Variants in ZC3H14 observed in about 807,000 individuals in gnomAD.
ZC3H14 encodes zinc finger CCCH domain-containing protein 14.
ZC3H14 carries 31 observed loss-of-function variants against 92.4 expected under a neutral mutation model. The observed-to-expected ratio is 0.34, with a 90% CI of 0.25 to 0.45. The LOEUF is 0.45. ZC3H14 is among the 20% of genes least tolerant of loss of function. ZC3H14 has a pLI of 1.00. For synonymous variants in ZC3H14, 321 were observed against 300.9 expected (o/e 1.07, Z -0.69); for missense variants, 781 against 897.3 (o/e 0.87, Z 1.66).
Position 88,572,628 on chromosome 14 carries a change from C to G in ZC3H14, c.482C>G (p.Pro161Arg), listed in dbSNP as rs1245569692. The change falls in exon 6 of 17, where the codon CCT (proline) becomes CGT (arginine). Residue 161 changes from proline to arginine, a missense_variant. Around this residue, in one of 3 missense-constraint regions of ZC3H14, gnomAD observed 454 missense variants for 438.5 expected, o/e 1.04. Coordinates refer to ENST00000251038, the MANE Select transcript of ZC3H14 (RefSeq NM_024824.5). The stretch of plus-strand genomic sequence containing the variant: ...ACCCGACTAATGTCAACAGTGAAAC[C>G]TTTGAGGGAGCCAGCACCCTCTGAA... ...AATRLMSTVK[P>R]LREPAPSEDV... is the part of the protein sequence containing the mutation. 4 of 1,614,000 alleles carry G rather than the reference C, an allele frequency of 2.5e-6. No individual in the cohort carries two copies. The highest frequency in any genetic ancestry group is 3.4e-6 in the Non-Finnish European group (4 of 1,180,046).
chr14:88,615,732 C>T lies in ZC3H14; in HGVS notation c.*3981C>T. 1 of 1,305,884 alleles carries T rather than the reference C, an allele frequency of 7.7e-7. No individual in the cohort carries two copies. Among genetic ancestry groups the T allele is most frequent in the Non-Finnish European group, 1.1e-6 (1 of 930,410 alleles). 80.9% of individuals were successfully genotyped at this position (1,305,884 alleles called of 1,614,324 possible). A position where few individuals can be genotyped will look rare whatever the true frequency, so the allele number is the denominator to read the frequency against. ...CCCTGTTACAGTCTTGGGTTAGCAC[C>T]ACTTGACCATGCAGGGTTGGGTTTT... is the stretch of plus-strand genomic sequence containing the variant. On this transcript the variant is annotated 3_prime_UTR_variant, in exon 17 of 17. Transcript: ENST00000251038.
intron 3 of ZC3H14, among the ~76,000 whole-genome samples, chr14:88,568,472 T>G (rs1253303773): frequency 4.6e-5 from 7 of 152,158 alleles, no homozygotes; most frequent in Admixed American, 4.6e-4. Flanking sequence ...TCCAGAGACT[T>G]ATATAAAATC....
chr14:88,580,733 A>G (rs944187248), intron 9 of ZC3H14, among the ~76,000 whole-genome samples: 1 of 152,218 alleles, frequency 6.6e-6, no homozygotes, highest in African/African-American at 2.4e-5. Flanking sequence ...ATTGTACAGT[A>G]TACCTGAGAA....
Position 88,620,749 on chromosome 14 carries a change from C to G in ZC3H14, c.*8998C>G. 1 of 1,575,490 alleles carries G rather than the reference C, an allele frequency of 6.3e-7. No individual in the cohort carries two copies. Among genetic ancestry groups the G allele is most frequent in the Non-Finnish European group, 8.6e-7 (1 of 1,166,290 alleles). ...CTAGAAACTCTATTCCATTTGTTCA[C>G]TAACCTGATATCATGGATTGCACAT... is the stretch of plus-strand genomic sequence containing the variant. On this transcript the variant is annotated 3_prime_UTR_variant, in exon 17 of 17. Coordinates refer to ENST00000251038, the MANE Select transcript of ZC3H14 (RefSeq NM_024824.5). This position sits in a 1 kb window ranked among gnomAD's most constrained non-coding sequence, Gnocchi z 4.3.
At chr14:88,571,782 G>A (rs1481512785) in intron 4 of ZC3H14, among the ~76,000 whole-genome samples, 1 of 152,096 alleles carries the variant, frequency 6.6e-6, no homozygotes, top group East Asian at 1.9e-4. Flanking sequence ...CAACCAACAT[G>A]GTGAATCTCC....
Position 88,563,151 on chromosome 14 carries a change from G to T in ZC3H14, c.18G>T (p.Glu6Asp). MEIGT[E>D]ISRKIRSAIK... The stretch of plus-strand genomic sequence containing the variant: ...GCAGAGCCATGGAGATCGGCACCGA[G>T]ATCAGCCGCAAGATCCGGGTGAGGC... The change falls in exon 1 of 17, where the codon GAG (glutamate) becomes GAT (aspartate). Residue 6 changes from glutamate (E) to aspartate (D), a missense_variant. Around this residue, in one of 3 missense-constraint regions of ZC3H14, gnomAD observed 106 missense variants for 154.2 expected, o/e 0.69. Coordinates refer to ENST00000251038, the MANE Select transcript of ZC3H14 (RefSeq NM_024824.5). 1 of 1,602,754 alleles carries T rather than the reference G, an allele frequency of 6.2e-7. No individual in the cohort carries two copies. Among genetic ancestry groups the T allele is most frequent in the Non-Finnish European group, 8.5e-7 (1 of 1,176,986 alleles).
At chr14:88,600,999 G>A (rs2084566572) in intron 10 of ZC3H14, among the ~76,000 whole-genome samples, 1 of 151,998 alleles carries the variant, frequency 6.6e-6, no homozygotes, top group Admixed American at 6.5e-5. Flanking sequence ...GTTTATTCCT[G>A]CTTGTTCCTT....
Position 88,620,562 on chromosome 14 carries a change from G to A in ZC3H14, c.*8811G>A. ...ACTAGTACTTGCTATTATAGTTGGT[G>A]CCCAGTGGGTTTATAATTTAGCAAG... is the stretch of plus-strand genomic sequence containing the variant. On this transcript the variant is annotated 3_prime_UTR_variant, in exon 17 of 17. Coordinates refer to ENST00000251038, the MANE Select transcript of ZC3H14 (RefSeq NM_024824.5). The surrounding 1 kb of genome is among the most constrained non-coding windows in gnomAD (Gnocchi z 4.3). The A allele has an allele frequency of 2.2e-6, 1 of 457,412 alleles. No homozygotes were observed. Among genetic ancestry groups the A allele is most frequent in the Non-Finnish European group, 3.8e-6 (1 of 266,650 alleles). 28.3% of individuals were successfully genotyped at this position (457,412 alleles called of 1,614,324 possible). A position where few individuals can be genotyped will look rare whatever the true frequency, so the allele number is the denominator to read the frequency against.
chr14:88,585,149 T>C (rs1285153863), intron 9 of ZC3H14, among the ~76,000 whole-genome samples: 16 of 152,214 alleles, frequency 1.1e-4, no homozygotes. Context: ...GGATTTTGTT[T>C]TTTAATCTCA....
rs33958046 is a variant in ZC3H14, at chr14:88,623,017, CTTTTTT to C, written c.*11277_*11282del. The C allele has an allele frequency of 6.7e-6, 1 of 150,330 alleles. No individual in the cohort carries two copies. Among genetic ancestry groups the C allele is most frequent in the African/African-American group, 2.6e-5 (1 of 38,364 alleles). 9.3% of individuals were successfully genotyped at this position (150,330 alleles called of 1,614,324 possible). A position where few individuals can be genotyped will look rare whatever the true frequency, so the allele number is the denominator to read the frequency against. On this transcript the variant is annotated 3_prime_UTR_variant, in exon 17 of 17. Transcript: ENST00000251038. Reference sequence around the variant, plus strand: ...CAATACATTATCCTCTCTCATAATACTTTTTTTTTTTTTTTTAAGATGTAGTCTCGC... The same window carrying C: ...CAATACATTATCCTCTCTCATAATACTTTTTTTTTTAAGATGTAGTCTCGC...
intron 9 of ZC3H14, among the ~76,000 whole-genome samples, chr14:88,593,940 CCTGT>C (rs1465983741): frequency 2.0e-5 from 3 of 151,720 alleles, no homozygotes; most frequent in Non-Finnish European, 4.4e-5. Context: ...TTAAGAAACA[CCTGT>C]CTAATAATGG....
At chr14:88,605,866 AATC>A in intron 12 of ZC3H14, among the ~76,000 whole-genome samples, 1 of 152,286 alleles carries the variant, frequency 6.6e-6, no homozygotes, top group South Asian at 2.1e-4. Context: ...TTTTCCGTTT[AATC>A]ATCAGACTCT....
intron 4 of ZC3H14, 46 bp from the exon 5 acceptor site, chr14:88,571,984 A>G (rs1420590311): frequency 7.2e-7 from 1 of 1,398,054 alleles, no homozygotes; most frequent in Non-Finnish European, 9.6e-7. Context: ...AATAAATAAA[A>G]ATAAGAAATA....
At chr14:88,572,458 A>C (rs755516077) in intron 5 of ZC3H14, 120 bp from the exon 6 acceptor site, 1 of 1,304,886 alleles carries the variant, frequency 7.7e-7, no homozygotes, top group East Asian at 2.5e-5. Flanking sequence ...TTTTGAATGG[A>C]ATATGTAAAG....
Position 88,616,501 on chromosome 14 carries a change from G to A in ZC3H14, c.*4750G>A, listed in dbSNP as rs1595174964. 1.7e-6 allele frequency: 1 copy of A among 603,530 alleles called. No individual in the cohort carries two copies. Among genetic ancestry groups the A allele is most frequent in the East Asian group, 2.8e-5 (1 of 35,624 alleles). 37.4% of individuals were successfully genotyped at this position (603,530 alleles called of 1,614,324 possible). ...AATTTGATAACTGATTATAGGTTTG[G>A]TGAAAAGCTAATTACAGCTTTTGTA... On this transcript the variant is annotated 3_prime_UTR_variant, in exon 17 of 17. Transcript: ENST00000251038.
chr14:88,618,623 C>G lies in ZC3H14; in HGVS notation c.*6872C>G, dbSNP rs2088195525. On this transcript the variant is annotated 3_prime_UTR_variant, in exon 17 of 17. Coordinates refer to ENST00000251038, the MANE Select transcript of ZC3H14 (RefSeq NM_024824.5). The stretch of plus-strand genomic sequence containing the variant: ...AATGTAAAAGCAGAAGAACTTGCCA[C>G]CTGGGTATACAGTATTGGTACTGTA... 1 of 1,584,314 alleles carries G rather than the reference C, an allele frequency of 6.3e-7. No individual in the cohort carries two copies. Among genetic ancestry groups the G allele is most frequent in the South Asian group, 1.2e-5 (1 of 85,620 alleles).
intron 9 of ZC3H14, chr14:88,591,936 A>G (rs1233349519): frequency 6.6e-5 from 10 of 152,168 alleles, no homozygotes; most frequent in Non-Finnish European, 1.2e-4. Flanking sequence ...ACCTTTCTGT[A>G]CCCTAGTTTC....
chr14:88,579,727 A>G (rs924053906), intron 9 of ZC3H14, among the ~76,000 whole-genome samples: 1 of 152,236 alleles, frequency 6.6e-6, no homozygotes, highest in African/African-American at 2.4e-5. Context: ...ACTTTCCCCT[A>G]AAATGAACAA....
intron 2 of ZC3H14, among the ~76,000 whole-genome samples, chr14:88,566,728 T>G (rs2079676211): frequency 6.6e-6 from 1 of 152,144 alleles, no homozygotes; most frequent in African/African-American, 2.4e-5. Flanking sequence ...GAGACCAGCC[T>G]AGTCAACATG....
Sources: allele counts gnomAD v4.1 joint callset (sites outside exome capture counted in the v4.1 genomes callset), GRCh38; gene constraint gnomAD v4.1.1; regional missense constraint gnomAD v4.1.1; non-coding constraint Gnocchi (gnomAD v3.1); transcripts MANE v1.5; gene names NCBI Gene and HGNC (gene_info 2026-07-23, HGNC 2026-07-21).